The following GPC6 variants were observed in gnomAD, a reference collection of about 807,000 sequenced individuals.
GPC6 encodes the protein glypican 6, also known as glypican-6.
A neutral mutation model predicts 55.2 loss-of-function variants in GPC6; 14 were observed. That is an observed-to-expected ratio of 0.25 (90% CI 0.17 to 0.40). GPC6 has a LOEUF of 0.40. Among genes scored for constraint, GPC6 ranks in the 10% least tolerant of loss-of-function variants. GPC6 has a pLI of 1.00. For synonymous variants in GPC6, 278 were observed against 259.6 expected (o/e 1.07, Z -0.68); for missense variants, 641 against 708.5 (o/e 0.90, Z 1.08).
chr13:93,942,062 G>T (rs1364321748), intron 3 of GPC6, among the ~76,000 whole-genome samples: 1 of 152,090 alleles, frequency 6.6e-6, no homozygotes, highest in East Asian at 1.9e-4. Context: ...CCTAAGTTCA[G>T]GCTGGCATGC....
At chr13:93,879,318 A>G (rs1874809795) in intron 3 of GPC6, among the ~76,000 whole-genome samples, 1 of 152,146 alleles carries the variant, frequency 6.6e-6, no homozygotes, top group Non-Finnish European at 1.5e-5. Context: ...AAACTATACT[A>G]CAAGGCTACA....
chr13:93,641,902 CATA>C (rs1249109468), intron 2 of GPC6, among the ~76,000 whole-genome samples: 1 of 151,994 alleles, frequency 6.6e-6, no homozygotes, highest in Admixed American at 6.6e-5. Context: ...TACTTAATTT[CATA>C]ATGATGGTAT....
rs147905398 is a variant in GPC6 at position 93,304,108 on chromosome 13, C to T, written c.160+76492C>T. Among the ~76,000 whole-genome samples, 748 of 152,114 alleles carry T rather than the reference C, an allele frequency of 4.9e-3. 11 individuals are homozygous for T. The highest frequency in any genetic ancestry group is 0.017 in the African/African-American group (713 of 41,490). ...GTCTTGAACTCCTGACCTTGTGATC[C>T]GCCTGCCTCGGCCTCCCACAGTGCT... On this transcript the variant is annotated intron_variant, in intron 1 of 8. Transcript: ENST00000377047.
In GPC6 at chr13:93,258,220, C is replaced by T. The variant is rs557774012; in HGVS notation, c.160+30604C>T. 5.3e-5 allele frequency among the ~76,000 whole-genome samples: 8 copies of T among 152,254 alleles called. No individual in the cohort carries two copies. The South Asian group carries it at 1.4e-3, about 28-fold the overall frequency. On this transcript the variant is annotated intron_variant, in intron 1 of 8. Coordinates refer to ENST00000377047, the MANE Select transcript of GPC6 (RefSeq NM_005708.5). ...TTGCATCCAAGGTGTGGGTACATGACCTACAATAGACCAATGATATATGCC... is the reference window on the plus strand; with the variant it reads ...TTGCATCCAAGGTGTGGGTACATGATCTACAATAGACCAATGATATATGCC...
chr13:93,898,940 A>AATATATATAT (rs66531953), intron 3 of GPC6, among the ~76,000 whole-genome samples: 492 of 136,632 alleles, frequency 3.6e-3, no homozygotes, highest in East Asian at 0.015. Flanking sequence ...ATTATATATA[A>AATATATATAT]ATATATATAT....
intron 2 of GPC6, among the ~76,000 whole-genome samples, chr13:93,556,509 C>G (rs1487511433): frequency 6.7e-6 from 1 of 150,294 alleles, no homozygotes; most frequent in African/African-American, 2.4e-5. Flanking sequence ...GAGTATCCAT[C>G]CCCTCAAGCA....
intron 2 of GPC6, among the ~76,000 whole-genome samples, chr13:93,734,772 G>A (rs976111604): frequency 1.3e-5 from 2 of 152,148 alleles, no homozygotes; most frequent in Admixed American, 6.5e-5. Context: ...GTAATTACAT[G>A]TTTCCCTTTC....
intron 2 of GPC6, among the ~76,000 whole-genome samples, chr13:93,582,052 T>C (rs1395110192): frequency 1.3e-5 from 2 of 152,216 alleles, no homozygotes; most frequent in Non-Finnish European, 2.9e-5. Flanking sequence ...AGCTTTTGGA[T>C]TATCTGGTGG....
chr13:93,770,856 T>A (rs569551389), intron 2 of GPC6, among the ~76,000 whole-genome samples: 4 of 152,264 alleles, frequency 2.6e-5, no homozygotes, highest in African/African-American at 9.6e-5. Flanking sequence ...CAAATAAGGT[T>A]ACAGACTTAT....
chr13:93,600,326 A>G (rs1479600579), intron 2 of GPC6, among the ~76,000 whole-genome samples: 2 of 152,188 alleles, frequency 1.3e-5, no homozygotes, highest in Admixed American at 1.3e-4. Context: ...TATAATTACA[A>G]TTGAGGTTTT....
intron 4 of GPC6, among the ~76,000 whole-genome samples, chr13:94,271,027 T>A (rs1891984944): frequency 8.0e-6 from 1 of 124,558 alleles, no homozygotes; most frequent in African/African-American, 3.0e-5. Flanking sequence ...TCTCGCTCTG[T>A]CGCCCAGGCT....
chr13:93,690,521 T>C (rs1882221270), intron 2 of GPC6, among the ~76,000 whole-genome samples: 1 of 146,510 alleles, frequency 6.8e-6, no homozygotes, highest in African/African-American at 2.6e-5. Flanking sequence ...GATTTTTTAA[T>C]TTTTTTTTTA....
intron 2 of GPC6, among the ~76,000 whole-genome samples, chr13:93,763,271 G>T (rs551507075): frequency 6.6e-6 from 1 of 152,280 alleles, no homozygotes; most frequent in Non-Finnish European, 1.5e-5. Flanking sequence ...AGGTTTTGTT[G>T]CCATGATCAG....
At chr13:93,811,285 A>G (rs998861765) in intron 2 of GPC6, among the ~76,000 whole-genome samples, 1 of 152,254 alleles carries the variant, frequency 6.6e-6, no homozygotes, top group Non-Finnish European at 1.5e-5. Context: ...ACAAAGTGAC[A>G]GGGAACATGG....
intron 1 of GPC6, among the ~76,000 whole-genome samples, chr13:93,453,269 A>G (rs1194618473): frequency 6.6e-6 from 1 of 152,032 alleles, no homozygotes; most frequent in Non-Finnish European, 1.5e-5. Flanking sequence ...CTTTCATTCA[A>G]TATGCCCCTG....
chr13:93,336,446 C>A (rs1054323850), intron 1 of GPC6, among the ~76,000 whole-genome samples: 1 of 152,128 alleles, frequency 6.6e-6, no homozygotes. Flanking sequence ...AATTAATAAG[C>A]TTTAATTAAA....
intron 1 of GPC6, among the ~76,000 whole-genome samples, chr13:93,513,326 G>A (rs1325422426): frequency 6.6e-6 from 1 of 152,134 alleles, no homozygotes; most frequent in Non-Finnish European, 1.5e-5. Flanking sequence ...AGTTACAATT[G>A]ACCTTTTGTT....
intron 2 of GPC6, among the ~76,000 whole-genome samples, chr13:93,779,789 T>C (rs1885579956): frequency 6.6e-6 from 1 of 152,100 alleles, no homozygotes; most frequent in Non-Finnish European, 1.5e-5. Context: ...GCATGTACCT[T>C]AGAGCTTAAT....
At chr13:93,447,804 T>C (rs948495349) in intron 1 of GPC6, among the ~76,000 whole-genome samples, 11 of 152,216 alleles carry the variant, frequency 7.2e-5, no homozygotes, top group Admixed American at 5.2e-4. Context: ...CCTGTTTGTA[T>C]AATAGCTTTT....
Sources: allele counts gnomAD v4.1 joint callset (sites outside exome capture counted in the v4.1 genomes callset), GRCh38; gene constraint gnomAD v4.1.1; transcripts MANE v1.5; gene names NCBI Gene and HGNC (gene_info 2026-07-23, HGNC 2026-07-21).